Variants in SPECC1 observed in about 807,000 individuals in gnomAD.
The protein encoded by SPECC1 is cytospin-B.
In SPECC1, 62 loss-of-function variants were observed where a neutral mutation model predicts 104.1. That is an observed-to-expected ratio of 0.60 (90% CI 0.49 to 0.74). SPECC1 has a LOEUF of 0.74. Ranked by LOEUF, SPECC1 falls within the 30% of genes least tolerant of loss-of-function variation. The pLI is 0.00. For synonymous variants in SPECC1, 513 were observed against 501.6 expected (o/e 1.02, Z -0.30); for missense variants, 1,306 against 1,310.5 (o/e 1.00, Z 0.05).
intron 3 of SPECC1, among the ~76,000 whole-genome samples, chr17:20,152,621 AAGAG>A (rs527387843): frequency 1.3e-5 from 2 of 152,122 alleles, no homozygotes; most frequent in Admixed American, 6.5e-5. Context: ...ACATAACAGA[AAGAG>A]AGAGAGAGAA....
chr17:20,018,128 C>T (rs754684813), intron 1 of SPECC1: 1 of 152,274 alleles, frequency 6.6e-6, no homozygotes, highest in Non-Finnish European at 1.5e-5. Context: ...GGTTCTACCT[C>T]TGCTGTTCTA....
chr17:20,239,173 A>G, intron 7 of SPECC1: 1 of 1,025,214 alleles, frequency 9.8e-7, no homozygotes, highest in Non-Finnish European at 1.2e-6. Flanking sequence ...CTTAAAGTCT[A>G]GATGTGTTTT....
intron 1 of SPECC1, among the ~76,000 whole-genome samples, chr17:20,080,475 G>T (rs2046925567): frequency 6.6e-6 from 1 of 152,144 alleles, no homozygotes; most frequent in African/African-American, 2.4e-5. Context: ...ACATCTGGTT[G>T]CTACAGTAAC....
chr17:20,173,688 A>G (rs992244649), intron 3 of SPECC1, among the ~76,000 whole-genome samples: 2 of 152,248 alleles, frequency 1.3e-5, no homozygotes, highest in African/African-American at 4.8e-5. Flanking sequence ...ATAAAGGTAC[A>G]TGAACAAAGC....
At chr17:20,171,444 A>G (rs1294104858) in intron 3 of SPECC1, among the ~76,000 whole-genome samples, 2 of 152,200 alleles carry the variant, frequency 1.3e-5, no homozygotes, top group Non-Finnish European at 2.9e-5. Context: ...TTCTTCTGTA[A>G]ATTTTGGTAT....
intron 1 of SPECC1, among the ~76,000 whole-genome samples, chr17:20,078,388 A>G (rs2046843710): frequency 6.6e-6 from 1 of 152,112 alleles, no homozygotes; most frequent in Non-Finnish European, 1.5e-5. Flanking sequence ...TAAAAAAGCA[A>G]TTCCTAGAAA....
intron 3 of SPECC1, among the ~76,000 whole-genome samples, chr17:20,122,571 C>T (rs1218880613): frequency 1.3e-5 from 2 of 152,166 alleles, no homozygotes; most frequent in African/African-American, 4.8e-5. Flanking sequence ...CCATCACCAC[C>T]TTCCATTTCC....
rs1030868864 is a variant in SPECC1 at position 20,315,376 on chromosome 17, C to T, written c.*1311C>T. The T allele has an allele frequency of 4.3e-6, 1 of 232,866 alleles. No individual in the cohort carries two copies. Among genetic ancestry groups the T allele is most frequent in the African/African-American group, 2.2e-5 (1 of 45,326 alleles). The allele number at this position is 232,866 out of a possible 1,614,324, so 14.4% of individuals were successfully genotyped here. A position where few individuals can be genotyped will look rare whatever the true frequency, so the allele number is the denominator to read the frequency against. ...CCTCCCCAGCGGTGCCCCAGTCCCT[C>T]AGAAGTGCTCAGTCCGGCCCGAGTG... is the stretch of plus-strand genomic sequence containing the variant. On this transcript the variant is annotated 3_prime_UTR_variant, in exon 15 of 15. Transcript: ENST00000395527.
At chr17:20,155,969 C>A in intron 3 of SPECC1, 1 of 1,259,896 alleles carries the variant, frequency 7.9e-7, no homozygotes, top group Non-Finnish European at 1.0e-6. Flanking sequence ...ATGAAGGGGG[C>A]GGGCCGCGAG....
At position 20,156,037 on chromosome 17, in the gene SPECC1, C is replaced by T. The variant is rs182777885; in HGVS notation, c.283+45475C>T. The T allele has an allele frequency of 7.3e-4, 930 of 1,277,318 alleles. 5 individuals are homozygous for T. The African/African-American group carries it at 0.012, about 17-fold the overall frequency. 79.1% of individuals were successfully genotyped at this position (1,277,318 alleles called of 1,614,324 possible). On this transcript the variant is annotated intron_variant, in intron 3 of 14. Coordinates refer to ENST00000395527, the MANE Select transcript of SPECC1 (RefSeq NM_001243439.2). ...CACGGGCGCGGGAGAGCAGCGGCTC[C>T]GCCGGCAGCTGCTGGGAACTGGAAG...
intron 1 of SPECC1, among the ~76,000 whole-genome samples, chr17:20,048,130 A>G (rs115396458): frequency 0.072 from 10,847 of 150,510 alleles, 544 homozygotes; most frequent in African/African-American, 0.14. Flanking sequence ...ATCTAGAGAA[A>G]TGAGTCTTTT....
intron 13 of SPECC1, among the ~76,000 whole-genome samples, chr17:20,298,796 C>T (rs986648603): frequency 3.9e-5 from 6 of 151,960 alleles, no homozygotes; most frequent in Admixed American, 3.9e-4. Context: ...TGTTTAAAAG[C>T]TCTGTTTCGA....
intron 3 of SPECC1, chr17:20,155,970 G>A: frequency 7.9e-7 from 1 of 1,261,726 alleles, no homozygotes; most frequent in Non-Finnish European, 1.0e-6. Flanking sequence ...TGAAGGGGGC[G>A]GGCCGCGAGG....
chr17:20,042,628 T>TG (rs750639670), intron 1 of SPECC1, among the ~76,000 whole-genome samples: 9 of 152,344 alleles, frequency 5.9e-5, no homozygotes, highest in Non-Finnish European at 7.3e-5. Context: ...CTAGGCTCCC[T>TG]GCTCAGTTAT....
At chr17:20,025,399 CA>C (rs2044560787) in intron 1 of SPECC1, among the ~76,000 whole-genome samples, 1 of 152,204 alleles carries the variant, frequency 6.6e-6, no homozygotes, top group African/African-American at 2.4e-5. Flanking sequence ...CCCACCCAAC[CA>C]CTAATCTACT....
At chr17:20,285,593 C>T (rs1023358791) in intron 12 of SPECC1, among the ~76,000 whole-genome samples, 1 of 152,050 alleles carries the variant, frequency 6.6e-6, no homozygotes, top group African/African-American at 2.4e-5. Flanking sequence ...CTAGCATTTC[C>T]CTGGGTAAAA....
intron 3 of SPECC1, among the ~76,000 whole-genome samples, chr17:20,159,902 G>C (rs988222373): frequency 2.6e-4 from 39 of 152,168 alleles, no homozygotes; most frequent in African/African-American, 8.7e-4. Flanking sequence ...TCTGCTTAGA[G>C]AGTTGAGTGG....
intron 3 of SPECC1, among the ~76,000 whole-genome samples, chr17:20,187,241 T>C (rs2035342611): frequency 6.6e-6 from 1 of 152,168 alleles, no homozygotes; most frequent in South Asian, 2.1e-4. Context: ...GACTCGGCAT[T>C]GGTCAGACCA....
chr17:20,101,367 G>A (rs1426870985), intron 2 of SPECC1, among the ~76,000 whole-genome samples: 2 of 152,294 alleles, frequency 1.3e-5, no homozygotes, highest in Admixed American at 6.5e-5. Flanking sequence ...TCTAACTGGC[G>A]TGAGATGGTA....
Sources: gnomAD v4.1 joint callset for allele counts (sites outside exome capture counted in the v4.1 genomes callset) on GRCh38, gnomAD v4.1.1 for gene constraint, MANE v1.5 for transcripts, NCBI Gene and HGNC (gene_info 2026-07-23, HGNC 2026-07-21) for gene names.